Variants in SMOX observed in about 807,000 individuals in gnomAD.
SMOX encodes the protein spermine oxidase.
In SMOX, 22 loss-of-function variants were observed where a neutral mutation model predicts 51.0. That is an observed-to-expected ratio of 0.43 (90% CI 0.31 to 0.62). The LOEUF (loss-of-function observed/expected upper bound fraction) is 0.62, where lower values mean the gene tolerates loss of function less well. SMOX is among the 20% of genes least tolerant of loss of function. SMOX has a pLI of 0.10. For synonymous variants in SMOX, 282 were observed against 307.8 expected, an observed-to-expected ratio of 0.92 and a Z score of 0.88; for missense variants, 566 against 777.7, an observed-to-expected ratio of 0.73 and a Z score of 3.24.
intron 1 of SMOX, among the ~76,000 whole-genome samples, chr20:4,159,935 A>T (rs76974945): frequency 0.035 from 5,293 of 152,314 alleles, 296 homozygotes; most frequent in African/African-American, 0.12. Context: ...AGGAGAGCAC[A>T]GTTAATGTAC....
chr20:4,176,442 T>TGGGCCGGGCGCG (rs1978859315), intron 2 of SMOX, among the ~76,000 whole-genome samples: 1 of 152,200 alleles, frequency 6.6e-6, no homozygotes, highest in Admixed American at 6.5e-5. Flanking sequence ...AAGGGGTGTG[T>TGGGCCGGGCGCG]GTACAAAGAT....
At chr20:4,162,450 C>T (rs886687432) in intron 1 of SMOX, among the ~76,000 whole-genome samples, 26 of 152,336 alleles carry the variant, frequency 1.7e-4, no homozygotes, top group Admixed American at 1.2e-3. Context: ...CGTGCAGTTT[C>T]CCTGCGTGGA....
At chr20:4,158,396 G>A (rs1449059446) in intron 1 of SMOX, among the ~76,000 whole-genome samples, 1 of 152,118 alleles carries the variant, frequency 6.6e-6, no homozygotes, top group Non-Finnish European at 1.5e-5. Context: ...CTCTAAATCT[G>A]GGGCTGGGAG....
At chr20:4,165,016 TC>T (rs1986496751) in intron 1 of SMOX, among the ~76,000 whole-genome samples, 1 of 150,476 alleles carries the variant, frequency 6.6e-6, no homozygotes, top group Non-Finnish European at 1.5e-5. Flanking sequence ...TAGCTGGGAC[TC>T]CAGTTGTGCA....
chr20:4,175,112 A>C lies in SMOX; in HGVS notation c.57A>C (p.Leu19=), dbSNP rs748350403. The C allele has an allele frequency of 1.9e-6, 3 of 1,614,114 alleles. No individual in the cohort carries two copies. Among genetic ancestry groups the C allele is most frequent in the Non-Finnish European group, 2.5e-6 (3 of 1,180,062 alleles). ...CGGATGACCCTCTCAGTCGCGGCCT[A>C]CGGAGAAGGGGACAGCCTCGTGTGG... ...DSADDPLSRG[L]RRRGQPRVVV... Residue 19 remains leucine (L), a synonymous_variant, in exon 2 of 7, where the codon CTA becomes CTC. Coordinates refer to ENST00000305958, the MANE Select transcript of SMOX (RefSeq NM_175839.3).
rs148934314 is a variant in SMOX at position 4,182,139 on chromosome 20, C to T, written c.660C>T (p.Ser220=). The change falls in exon 5 of 7, where the codon AGC becomes AGT. Residue 220 remains serine, a synonymous_variant. Coordinates refer to ENST00000305958, the MANE Select transcript of SMOX (RefSeq NM_175839.3). This position sits in a 1 kb window ranked among gnomAD's most constrained non-coding sequence, Gnocchi z 8.4. ...SSHSMDEVSL[S]AFGEWTEIPG... ...ACAGCATGGACGAGGTGTCCCTGAGCGCCTTCGGGGAGTGGACCGAGATCC... is the reference window on the plus strand; with the variant it reads ...ACAGCATGGACGAGGTGTCCCTGAGTGCCTTCGGGGAGTGGACCGAGATCC... 1.5e-4 allele frequency: 234 copies of T among 1,609,902 alleles called. No individual in the cohort carries two copies. The African/African-American group carries it at 2.5e-3, about 17-fold the overall frequency.
chr20:4,172,661 G>C lies in SMOX; in HGVS notation c.-26-2369G>C, dbSNP rs1978497137. Among the ~76,000 whole-genome samples, 1 of 152,138 alleles carries C rather than the reference G, an allele frequency of 6.6e-6. No individual in the cohort carries two copies. The highest frequency in any genetic ancestry group is 2.4e-5 in the African/African-American group (1 of 41,416). On this transcript the variant is annotated intron_variant, in intron 1 of 6. Transcript: ENST00000305958. This position sits in a 1 kb window ranked among gnomAD's most constrained non-coding sequence, Gnocchi z 7.7. ...TCTGGGAAGGGGAGCGGGAGCCCTT[G>C]CCTCCGAACTGGACGCTGCCCGGAT...
chr20:4,156,587 C>T (rs1986030132), intron 1 of SMOX, among the ~76,000 whole-genome samples: 1 of 152,176 alleles, frequency 6.6e-6, no homozygotes, highest in Non-Finnish European at 1.5e-5. Flanking sequence ...CAGGAAGCTC[C>T]CTGCCATCCT....
intron 3 of SMOX, among the ~76,000 whole-genome samples, chr20:4,178,673 T>C (rs6052418): frequency 0.53 from 77,305 of 146,334 alleles, 20,373 homozygotes; most frequent in African/African-American, 0.61. Flanking sequence ...TTTTCTTTTC[T>C]TTCTTTCTTT....
At position 4,157,986 on chromosome 20, in the gene SMOX, C is replaced by T. The variant is rs541472564; in HGVS notation, c.-27+9009C>T. Reference sequence around the variant, plus strand: ...CGCGATCTCGGCTCACTGCAACCTCCGCCTCCCGGGTTCACGCCATTCTCC... The same window carrying T: ...CGCGATCTCGGCTCACTGCAACCTCTGCCTCCCGGGTTCACGCCATTCTCC... On this transcript the variant is annotated intron_variant, in intron 1 of 6. Coordinates refer to ENST00000305958, the MANE Select transcript of SMOX (RefSeq NM_175839.3). Among the ~76,000 whole-genome samples the T allele has an allele frequency of 3.0e-3, 454 of 151,958 alleles. 4 individuals are homozygous for T. The highest frequency in any genetic ancestry group is 0.026 in the South Asian group (127 of 4,808).
chr20:4,183,382 TG>T lies in SMOX; in HGVS notation c.1370-110del. The T allele has an allele frequency of 6.6e-7, 1 of 1,504,700 alleles. No individual in the cohort carries two copies. The highest frequency in any genetic ancestry group is 9.2e-7 in the Non-Finnish European group (1 of 1,086,576). 93.2% of individuals were successfully genotyped at this position (1,504,700 alleles called of 1,614,324 possible). ...TCCTCCGTGCCTACCCCTGGCAGTCTGGTCCTCCCGGAGCCCTGGAGGTGGG... is the reference window on the plus strand; with the variant it reads ...TCCTCCGTGCCTACCCCTGGCAGTCTGTCCTCCCGGAGCCCTGGAGGTGGG... On this transcript the variant is annotated intron_variant, in intron 5 of 6. Transcript: ENST00000305958. This position sits in a 1 kb window ranked among gnomAD's most constrained non-coding sequence, Gnocchi z 4.3.
intron 1 of SMOX, among the ~76,000 whole-genome samples, chr20:4,161,371 G>A (rs2122425191): frequency 6.6e-6 from 1 of 152,326 alleles, no homozygotes; most frequent in South Asian, 2.1e-4. Flanking sequence ...ATAGCCCGGA[G>A]GAGAGAACTG....
chr20:4,153,333 C>A lies in SMOX; in HGVS notation c.-27+4356C>A, dbSNP rs1985855639. 6.6e-6 allele frequency among the ~76,000 whole-genome samples: 1 copy of A among 152,156 alleles called. No homozygotes were observed. Among genetic ancestry groups the A allele is most frequent in the South Asian group, 2.1e-4 (1 of 4,828 alleles). On this transcript the variant is annotated intron_variant, in intron 1 of 6. Transcript: ENST00000305958. The surrounding 1 kb of genome is among the most constrained non-coding windows in gnomAD (Gnocchi z 4.4). ...TGCCTGTAAAATGGGATTAGAGGGACTTTTTTTCTTTGCTCCCTGGAGGTC... is the reference window on the plus strand; with the variant it reads ...TGCCTGTAAAATGGGATTAGAGGGAATTTTTTTCTTTGCTCCCTGGAGGTC...
chr20:4,177,439 G>A lies in SMOX; in HGVS notation c.297G>A (p.Leu99=), dbSNP rs1378883482. The A allele has an allele frequency of 1.9e-6, 3 of 1,566,126 alleles. No individual in the cohort carries two copies. In the East Asian group the frequency reaches 7.0e-5, roughly 37 times the overall value. Residue 99 remains leucine, a synonymous_variant, in exon 3 of 7, where the codon CTG becomes CTA. Transcript: ENST00000305958. This position sits in a 1 kb window ranked among gnomAD's most constrained non-coding sequence, Gnocchi z 4.3. ...ATCTAGCAGAAGCCAACGGCCTCCT[G>A]GAAGAGACAACCGATGGGGAACGCA... ...IYHLAEANGL[L]EETTDGERSV... is the part of the protein sequence containing the mutation.
chr20:4,165,691 T>C (rs1986542341), intron 1 of SMOX, among the ~76,000 whole-genome samples: 1 of 152,102 alleles, frequency 6.6e-6, no homozygotes, highest in African/African-American at 2.4e-5. Context: ...GGCTGGCCTC[T>C]CTCAGGGTAG....
rs1272750296 is a variant in SMOX at position 4,167,454 on chromosome 20, C to A, written c.-26-7576C>A. On this transcript the variant is annotated intron_variant, in intron 1 of 6. Transcript: ENST00000305958. This position sits in a 1 kb window ranked among gnomAD's most constrained non-coding sequence, Gnocchi z 4.8. ...CTAATTTAATATTCCTACAAGTCGGCTGTACCTATCCCCATTTTACGGATG... is the reference window on the plus strand; with the variant it reads ...CTAATTTAATATTCCTACAAGTCGGATGTACCTATCCCCATTTTACGGATG... 6.6e-6 allele frequency among the ~76,000 whole-genome samples: 1 copy of A among 152,176 alleles called. No individual in the cohort carries two copies. The highest frequency in any genetic ancestry group is 1.5e-5 in the Non-Finnish European group (1 of 68,032).
chr20:4,169,010 C>T lies in SMOX; in HGVS notation c.-26-6020C>T, dbSNP rs567458675. 3.3e-5 allele frequency among the ~76,000 whole-genome samples: 5 copies of T among 151,366 alleles called. No individual in the cohort carries two copies. In the South Asian group the frequency reaches 1.0e-3, roughly 31 times the overall value. ...TCGCCCAGACTAGAGTGCTGTGGTG[C>T]TATCATAGCTCATTGCAACCTTGAA... is the stretch of plus-strand genomic sequence containing the variant. On this transcript the variant is annotated intron_variant, in intron 1 of 6. Coordinates refer to ENST00000305958, the MANE Select transcript of SMOX (RefSeq NM_175839.3).
Position 4,183,289 on chromosome 20 carries a change from G to C in SMOX, c.1370-205G>C. 1.5e-6 allele frequency: 1 copy of C among 650,594 alleles called. No individual in the cohort carries two copies. Among genetic ancestry groups the C allele is most frequent in the Non-Finnish European group, 2.6e-6 (1 of 380,300 alleles). The allele number at this position is 650,594 out of a possible 1,614,324, so 40.3% of individuals were successfully genotyped here. On this transcript the variant is annotated intron_variant, in intron 5 of 6. Transcript: ENST00000305958. The surrounding 1 kb of genome is among the most constrained non-coding windows in gnomAD (Gnocchi z 4.3). Reference sequence around the variant, plus strand: ...TAGGAAAAGTAAGGTGGAGCGTTTTGCCGGGGGTCACAGGAGGCGCTGAGT... The same window carrying C: ...TAGGAAAAGTAAGGTGGAGCGTTTTCCCGGGGGTCACAGGAGGCGCTGAGT...
intron 1 of SMOX, among the ~76,000 whole-genome samples, chr20:4,159,611 A>G (rs551565176): frequency 4.6e-5 from 7 of 152,334 alleles, no homozygotes; most frequent in Middle Eastern, 3.4e-3. Flanking sequence ...AGGTGTATTC[A>G]GCTAAAAATA....
Sources: gnomAD v4.1 joint callset for allele counts (sites outside exome capture counted in the v4.1 genomes callset) on GRCh38, gnomAD v4.1.1 for gene constraint, Gnocchi (gnomAD v3.1) non-coding constraint, MANE v1.5 for transcripts, NCBI Gene and HGNC (gene_info 2026-07-23, HGNC 2026-07-21) for gene names.